PTPRM: variants seen among roughly 807,000 people sequenced by gnomAD.
PTPRM encodes receptor-type tyrosine-protein phosphatase mu.
A neutral mutation model predicts 186.7 loss-of-function variants in PTPRM; 47 were observed. The ratio of observed to expected loss-of-function variants is 0.25; its 90% CI spans 0.20 to 0.32. PTPRM has a LOEUF of 0.32. PTPRM is among the 10% of genes least tolerant of loss of function. The probability of loss-of-function intolerance (pLI) is 1.00; values close to 1 mark genes in which losing one functional copy is unlikely to be tolerated. For synonymous variants in PTPRM, 668 were observed against 674.9 expected (o/e 0.99, Z 0.16); for missense variants, 1,494 against 1,865.0 (o/e 0.80, Z 3.66).
intron 2 of PTPRM, among the ~76,000 whole-genome samples, chr18:7,878,699 A>T (rs139566761): frequency 3.6e-4 from 55 of 152,304 alleles, no homozygotes; most frequent in Admixed American, 2.2e-3. Context: ...CTATCACCAG[A>T]TAGCTCTGAT....
rs758251802 is a variant in PTPRM, at chr18:7,888,387, T to G, written c.468+10T>G. 1.3e-6 allele frequency: 2 copies of G among 1,560,554 alleles called. No homozygotes were observed. Among genetic ancestry groups the G allele is most frequent in the South Asian group, 1.2e-5 (1 of 82,104 alleles). ...GCCTAACTTTTATCAGGTATGTGCT[T>G]TCTTTTTATTACATATTTTGAAGCA... On this transcript the variant is annotated intron_variant, in intron 3 of 32. Coordinates refer to ENST00000580170, the MANE Select transcript of PTPRM (RefSeq NM_001105244.2).
chr18:8,045,324 A>G (rs618466), intron 7 of PTPRM, among the ~76,000 whole-genome samples: 98,981 of 152,140 alleles, frequency 0.65, 32,484 homozygotes, highest in African/African-American at 0.73. Flanking sequence ...CTCCAGCCTG[A>G]GTGACAATGT....
chr18:7,954,887 G>C (rs1312996038), intron 6 of PTPRM, among the ~76,000 whole-genome samples: 2 of 152,064 alleles, frequency 1.3e-5, no homozygotes, highest in African/African-American at 4.8e-5. Flanking sequence ...AAACAAATTA[G>C]GGTTATGCCT....
chr18:7,746,860 C>T (rs1204944034), intron 1 of PTPRM, among the ~76,000 whole-genome samples: 2 of 152,160 alleles, frequency 1.3e-5, no homozygotes, highest in Non-Finnish European at 2.9e-5. Context: ...GGTTCTGTGG[C>T]CAGCTTGCTC....
chr18:8,254,352 A>G (rs1300050106), intron 19 of PTPRM, among the ~76,000 whole-genome samples: 6 of 152,240 alleles, frequency 3.9e-5, no homozygotes, highest in Non-Finnish European at 8.8e-5. Context: ...GATTGAAGAA[A>G]TCTAATTCAA....
At chr18:8,323,642 C>A (rs2095358976) in intron 22 of PTPRM, among the ~76,000 whole-genome samples, 1 of 152,092 alleles carries the variant, frequency 6.6e-6, no homozygotes, top group African/African-American at 2.4e-5. Flanking sequence ...CGAACTTAGC[C>A]TTCATCTTGC....
intron 13 of PTPRM, among the ~76,000 whole-genome samples, chr18:8,138,234 T>G (rs2092683519): frequency 6.6e-6 from 1 of 150,560 alleles, no homozygotes; most frequent in South Asian, 2.1e-4. Context: ...CTTCCCCTTC[T>G]TCATCCTAAC....
At chr18:7,844,953 G>A (rs1462345613) in intron 2 of PTPRM, among the ~76,000 whole-genome samples, 1 of 152,104 alleles carries the variant, frequency 6.6e-6, no homozygotes, top group Admixed American at 6.5e-5. Flanking sequence ...TGATGAATGA[G>A]ATTCTTTGAT....
intron 22 of PTPRM, among the ~76,000 whole-genome samples, chr18:8,333,079 G>A (rs924793279): frequency 1.3e-5 from 2 of 152,170 alleles, no homozygotes; most frequent in Non-Finnish European, 2.9e-5. Context: ...ACAATTCTCA[G>A]TGTGTTTGCT....
At chr18:7,953,502 C>G (rs1044361658) in intron 6 of PTPRM, among the ~76,000 whole-genome samples, 1 of 152,142 alleles carries the variant, frequency 6.6e-6, no homozygotes, top group African/African-American at 2.4e-5. Flanking sequence ...AGTTTATAAA[C>G]AACAGGAACA....
rs775976390 is a variant in PTPRM at position 8,296,454 on chromosome 18, A to G, written c.2841A>G (p.Ala947=). ...AGAACAGATACGGGAATATCATTGC[A>G]TGTAAGTGTCAACAGTGTCATTGTG... ...RMKNRYGNII[A]YDHSRVRLQT... The change falls in exon 20 of 33, where the codon GCA becomes GCG. Residue 947 remains alanine, a splice_region_variant and synonymous_variant. Coordinates refer to ENST00000580170, the MANE Select transcript of PTPRM (RefSeq NM_001105244.2). 1.3e-6 allele frequency: 2 copies of G among 1,596,172 alleles called. No individual in the cohort carries two copies. The highest frequency in any genetic ancestry group is 1.1e-5 in the South Asian group (1 of 90,630).
intron 20 of PTPRM, among the ~76,000 whole-genome samples, chr18:8,306,655 C>A (rs142610612): frequency 3.5e-4 from 54 of 152,306 alleles, no homozygotes; most frequent in African/African-American, 1.3e-3. Flanking sequence ...TATGCCTAGG[C>A]AGTTGAGTTT....
At chr18:8,152,712 C>CTTTTTTTTT (rs35112154) in intron 14 of PTPRM, among the ~76,000 whole-genome samples, 20 of 56,952 alleles carry the variant, frequency 3.5e-4, no homozygotes, top group Non-Finnish European at 4.4e-4. Flanking sequence ...TGCCTCACCT[C>CTTTTTTTTT]TTTTTTTTTT....
At chr18:7,658,273 C>T (rs1279140352) in intron 1 of PTPRM, among the ~76,000 whole-genome samples, 1 of 148,984 alleles carries the variant, frequency 6.7e-6, no homozygotes, top group Non-Finnish European at 1.5e-5. Flanking sequence ...CAGCATGATC[C>T]CTAGAAAGCC....
chr18:7,689,800 T>C (rs1345496360), intron 1 of PTPRM, among the ~76,000 whole-genome samples: 3 of 152,260 alleles, frequency 2.0e-5, no homozygotes, highest in Non-Finnish European at 4.4e-5. Context: ...TATTATCTTT[T>C]AATTTTTTAA....
At chr18:8,340,748 A>G (rs2095469485) in intron 22 of PTPRM, among the ~76,000 whole-genome samples, 1 of 152,228 alleles carries the variant, frequency 6.6e-6, no homozygotes, top group Non-Finnish European at 1.5e-5. Flanking sequence ...CCTGATGGTT[A>G]TACTGGAAGA....
At chr18:7,573,449 G>T (rs765318871) in intron 1 of PTPRM, among the ~76,000 whole-genome samples, 18 of 152,112 alleles carry the variant, frequency 1.2e-4, no homozygotes, top group Non-Finnish European at 2.4e-4. Flanking sequence ...TCCTTTCAAA[G>T]GCTGCTTCCT....
chr18:7,771,140 T>C (rs1182622605), intron 1 of PTPRM, among the ~76,000 whole-genome samples: 1 of 152,170 alleles, frequency 6.6e-6, no homozygotes, highest in Non-Finnish European at 1.5e-5. Context: ...GCAATAGTGG[T>C]TTTGTAAACC....
intron 32 of PTPRM, among the ~76,000 whole-genome samples, chr18:8,394,989 C>T (rs973552928): frequency 2.0e-5 from 3 of 152,070 alleles, no homozygotes; most frequent in Admixed American, 6.5e-5. Flanking sequence ...ATAGCTTAAT[C>T]GCCTAATATT....
Sources: gnomAD v4.1 joint callset for allele counts (sites outside exome capture counted in the v4.1 genomes callset) on GRCh38, gnomAD v4.1.1 for gene constraint, MANE v1.5 for transcripts, NCBI Gene and HGNC (gene_info 2026-07-23, HGNC 2026-07-21) for gene names.